PDE3A: variants seen among roughly 807,000 people sequenced by gnomAD.
PDE3A encodes cGMP-inhibited 3',5'-cyclic phosphodiesterase 3A.
Under a neutral mutation model 98.3 loss-of-function variants are expected in PDE3A, and 43 were observed. That is an observed-to-expected ratio of 0.44 (90% CI 0.34 to 0.56). PDE3A has a LOEUF of 0.56. Among genes scored for constraint, PDE3A ranks in the 20% least tolerant of loss-of-function variants. The pLI is 0.01. For missense variants in PDE3A, 1,427 were observed against 1,440.7 expected (o/e 0.99, Z 0.15); for synonymous variants, 663 against 567.9 (o/e 1.17, Z -2.38).
At chr12:20,391,414 A>G (rs1199388777) in intron 1 of PDE3A, among the ~76,000 whole-genome samples, 3 of 144,296 alleles carry the variant, frequency 2.1e-5, no homozygotes, top group Admixed American at 6.9e-5. Context: ...TGCATTATAC[A>G]TATATATATA....
chr12:20,513,934 G>T (rs1341865037), intron 1 of PDE3A, among the ~76,000 whole-genome samples: 1 of 152,154 alleles, frequency 6.6e-6, no homozygotes, highest in Non-Finnish European at 1.5e-5. Context: ...AAAAAAAGAG[G>T]TAGTGAATAT....
chr12:20,588,650 C>T (rs1188416162), intron 2 of PDE3A, among the ~76,000 whole-genome samples: 1 of 151,800 alleles, frequency 6.6e-6, no homozygotes, highest in Non-Finnish European at 1.5e-5. Flanking sequence ...AACAGCTTTG[C>T]TCTTACCATT....
At chr12:20,638,019 A>T (rs1944558801) in intron 9 of PDE3A, among the ~76,000 whole-genome samples, 1 of 152,202 alleles carries the variant, frequency 6.6e-6, no homozygotes, top group Admixed American at 6.5e-5. Context: ...TTGAATAAGT[A>T]TCACAGCAGA....
At chr12:20,623,190 T>C (rs1944177615) in intron 5 of PDE3A, among the ~76,000 whole-genome samples, 1 of 151,782 alleles carries the variant, frequency 6.6e-6, no homozygotes, top group Non-Finnish European at 1.5e-5. Context: ...GCAACACAGA[T>C]GAAGAATTGG....
chr12:20,555,850 C>T (rs1334027205), intron 1 of PDE3A, among the ~76,000 whole-genome samples: 1 of 152,100 alleles, frequency 6.6e-6, no homozygotes, highest in Non-Finnish European at 1.5e-5. Flanking sequence ...GTTAAGTCTA[C>T]TTAGGAGTCA....
At chr12:20,493,280 C>T (rs1477675056) in intron 1 of PDE3A, among the ~76,000 whole-genome samples, 2 of 152,120 alleles carry the variant, frequency 1.3e-5, no homozygotes, top group African/African-American at 4.8e-5. Flanking sequence ...TATGGACAGT[C>T]AGCCCTCTGT....
chr12:20,601,442 T>TA (rs565205454), intron 2 of PDE3A, among the ~76,000 whole-genome samples: 179 of 152,196 alleles, frequency 1.2e-3, no homozygotes, highest in Non-Finnish European at 2.3e-3. Flanking sequence ...CAGGAAAAAG[T>TA]CTAGTGTTGA....
intron 1 of PDE3A, among the ~76,000 whole-genome samples, chr12:20,410,788 A>C (rs2120707101): frequency 6.6e-6 from 1 of 152,316 alleles, no homozygotes; most frequent in South Asian, 2.1e-4. Flanking sequence ...TCTATTTTGA[A>C]AACATCTCTG....
intron 1 of PDE3A, among the ~76,000 whole-genome samples, chr12:20,538,948 A>ATT (rs58939246): frequency 4.1e-4 from 60 of 147,130 alleles, no homozygotes; most frequent in Middle Eastern, 6.9e-3. Context: ...ACCTAGCCTT[A>ATT]TTTTTTTTTT....
In PDE3A at chr12:20,633,680, C is replaced by A. The variant is rs779231163; in HGVS notation, c.1761-13C>A. ...GAGGAGGCTACACCTATAGCTCTTCCAATATTTTTTAGCTGTGGCAGACCA... is the reference window on the plus strand; with the variant it reads ...GAGGAGGCTACACCTATAGCTCTTCAAATATTTTTTAGCTGTGGCAGACCA... On this transcript the variant is annotated splice_polypyrimidine_tract_variant and intron_variant, in intron 6 of 15. Coordinates refer to ENST00000359062, the MANE Select transcript of PDE3A (RefSeq NM_000921.5). 9.5e-6 allele frequency: 15 copies of A among 1,570,748 alleles called. No individual in the cohort carries two copies. In the South Asian group the frequency reaches 1.1e-4, roughly 12 times the overall value.
chr12:20,466,085 A>G (rs1411595543), intron 1 of PDE3A, among the ~76,000 whole-genome samples: 1 of 152,072 alleles, frequency 6.6e-6, no homozygotes, highest in Admixed American at 6.6e-5. Flanking sequence ...CTTGAAAAGC[A>G]TGTTCCCTAG....
At chr12:20,507,953 A>C (rs973970787) in intron 1 of PDE3A, among the ~76,000 whole-genome samples, 2 of 152,042 alleles carry the variant, frequency 1.3e-5, no homozygotes, top group Admixed American at 1.3e-4. Context: ...TGAGTCAGTT[A>C]ATGTCACTCC....
At chr12:20,524,763 C>T (rs1233663068) in intron 1 of PDE3A, among the ~76,000 whole-genome samples, 2 of 152,044 alleles carry the variant, frequency 1.3e-5, no homozygotes, top group South Asian at 2.1e-4. Flanking sequence ...CTTGGAAAGC[C>T]CCTGTGGGTC....
intron 1 of PDE3A, among the ~76,000 whole-genome samples, chr12:20,546,343 G>T (rs774898436): frequency 1.3e-5 from 2 of 150,668 alleles, no homozygotes; most frequent in South Asian, 2.1e-4. Flanking sequence ...TTCTTACTCC[G>T]TTAATAAGAA....
chr12:20,606,045 A>G (rs1402383675), intron 2 of PDE3A, among the ~76,000 whole-genome samples: 2 of 151,908 alleles, frequency 1.3e-5, no homozygotes, highest in Non-Finnish European at 2.9e-5. Context: ...CAAATTTATC[A>G]AGAATTGGAT....
chr12:20,504,800 A>G (rs772730635), intron 1 of PDE3A, among the ~76,000 whole-genome samples: 3 of 152,078 alleles, frequency 2.0e-5, no homozygotes, highest in Non-Finnish European at 4.4e-5. Context: ...GCCTCTTCTT[A>G]TAAGTACCTT....
At chr12:20,671,660 TA>T (rs1945485764) in intron 15 of PDE3A, among the ~76,000 whole-genome samples, 1 of 149,946 alleles carries the variant, frequency 6.7e-6, no homozygotes, top group South Asian at 2.2e-4. Flanking sequence ...CCCTTCATGC[TA>T]AAAACTCTCA....
rs549853787 is a variant in PDE3A at position 20,634,822 on chromosome 12, G to A, written c.1847-80G>A. On this transcript the variant is annotated intron_variant, in intron 7 of 15. Transcript: ENST00000359062. ...TCCCTAAACACTATATTTACCATAT[G>A]CATCTTAGCAAAATTTGCTTAAATG... The A allele has an allele frequency of 5.5e-6, 5 of 917,008 alleles. No homozygotes were observed. In the East Asian group the frequency reaches 9.6e-5, roughly 18 times the overall value. 56.8% of individuals were successfully genotyped at this position (917,008 alleles called of 1,614,324 possible). A position where few individuals can be genotyped will look rare whatever the true frequency, so the allele number is the denominator to read the frequency against.
intron 2 of PDE3A, among the ~76,000 whole-genome samples, chr12:20,584,503 C>T (rs113458997): frequency 1.6e-4 from 24 of 152,138 alleles, no homozygotes; most frequent in Non-Finnish European, 2.5e-4. Context: ...AGGATTTATA[C>T]GCATTGATTT....
Sources: allele counts gnomAD v4.1 joint callset (sites outside exome capture counted in the v4.1 genomes callset), GRCh38; gene constraint gnomAD v4.1.1; transcripts MANE v1.5; gene names NCBI Gene and HGNC (gene_info 2026-07-23, HGNC 2026-07-21).